Variants in GRID2 observed in about 807,000 individuals in gnomAD.
GRID2 encodes glutamate ionotropic receptor delta type subunit 2, also known as glutamate receptor ionotropic, delta-2.
GRID2 carries 33 observed loss-of-function variants against 114.8 expected under a neutral mutation model. That is an observed-to-expected ratio of 0.29 (90% CI 0.22 to 0.38). The LOEUF (loss-of-function observed/expected upper bound fraction) is 0.38. Among genes scored for constraint, GRID2 ranks in the 10% least tolerant of loss-of-function variants. The probability of loss-of-function intolerance (pLI) is 1.00; values close to 1 mark genes in which losing one functional copy is unlikely to be tolerated. For missense variants in GRID2, 1,184 were observed against 1,257.7 expected (o/e 0.94, Z 0.89); for synonymous variants, 505 against 449.9 (o/e 1.12, Z -1.55).
chr4:93,124,119 A>G (rs925859334), intron 4 of GRID2, among the ~76,000 whole-genome samples: 1 of 121,030 alleles, frequency 8.3e-6, no homozygotes, highest in Admixed American at 7.8e-5. Context: ...AAAAAAAAGA[A>G]AAAAAAAAAA....
chr4:92,692,380 A>G (rs1319387532), intron 2 of GRID2, among the ~76,000 whole-genome samples: 2 of 152,144 alleles, frequency 1.3e-5, no homozygotes, highest in African/African-American at 4.8e-5. Flanking sequence ...AGTCCATTTC[A>G]CAGAATAGCC....
intron 6 of GRID2, among the ~76,000 whole-genome samples, chr4:93,222,424 T>C (rs4610304): frequency 0.73 from 110,091 of 150,986 alleles, 41,615 homozygotes; most frequent in African/African-American, 0.93. Flanking sequence ...AAGGAGATAG[T>C]GAGGGATGCT....
intron 2 of GRID2, among the ~76,000 whole-genome samples, chr4:92,863,160 T>G (rs1180863584): frequency 6.6e-6 from 1 of 152,144 alleles, no homozygotes; most frequent in Non-Finnish European, 1.5e-5. Flanking sequence ...TCATTTATCT[T>G]TTGATTTAGG....
intron 2 of GRID2, among the ~76,000 whole-genome samples, chr4:93,068,881 G>T (rs539340585): frequency 5.3e-5 from 8 of 152,134 alleles, no homozygotes; most frequent in Admixed American, 5.3e-4. Context: ...ATTGGCTCAT[G>T]GTTCTGCAGG....
At chr4:92,900,554 G>C (rs937110032) in intron 2 of GRID2, among the ~76,000 whole-genome samples, 1 of 152,194 alleles carries the variant, frequency 6.6e-6, no homozygotes, top group Non-Finnish European at 1.5e-5. Context: ...TTCCAGGCCA[G>C]GCACGGCGGC....
At position 92,631,358 on chromosome 4, in the gene GRID2, G is replaced by A. The variant is rs80060738; in HGVS notation, c.244+41072G>A. Among the ~76,000 whole-genome samples the A allele has an allele frequency of 8.7e-3, 1,322 of 152,110 alleles. 16 individuals carry two copies. Among genetic ancestry groups the A allele is most frequent in the East Asian group, 0.066 (339 of 5,162 alleles). ...TTACTGAGCTCTAGGATTATCTATC[G>A]TTAGTCAGGACTTGAATGAAACCCT... On this transcript the variant is annotated intron_variant, in intron 2 of 15. Coordinates refer to ENST00000282020, the MANE Select transcript of GRID2 (RefSeq NM_001510.4).
intron 3 of GRID2, among the ~76,000 whole-genome samples, chr4:93,109,839 T>G (rs1732600029): frequency 6.6e-6 from 1 of 152,168 alleles, no homozygotes; most frequent in South Asian, 2.1e-4. Context: ...AATCTGATAC[T>G]AAGAAGAAAT....
downstream of GRID2, among the ~76,000 whole-genome samples, chr4:93,775,839 C>T (rs1269213470): frequency 2.0e-5 from 3 of 152,094 alleles, no homozygotes; most frequent in East Asian, 3.9e-4. Flanking sequence ...TTGTCATGTT[C>T]GTGATCATGT....
chr4:93,210,289 A>G lies in GRID2; in HGVS notation c.789+2832A>G, dbSNP rs184996646. 6.6e-5 allele frequency among the ~76,000 whole-genome samples: 10 copies of G among 152,152 alleles called. No homozygotes were observed. In the South Asian group the frequency reaches 8.3e-4, roughly 13 times the overall value. On this transcript the variant is annotated intron_variant, in intron 5 of 15. Coordinates refer to ENST00000282020, the MANE Select transcript of GRID2 (RefSeq NM_001510.4). ...GGTATAATAAAATGGTCCAGTTTCA[A>G]TCTTCTGCATATGGCTTGCCAGTTA...
intron 9 of GRID2, among the ~76,000 whole-genome samples, chr4:93,397,429 T>G (rs1765440737): frequency 1.4e-5 from 2 of 147,426 alleles, no homozygotes; most frequent in African/African-American, 4.9e-5. Context: ...AAAACTCCAG[T>G]GATGATTGCA....
chr4:93,201,732 C>T (rs186444661), intron 4 of GRID2, among the ~76,000 whole-genome samples: 3 of 152,250 alleles, frequency 2.0e-5, no homozygotes, highest in South Asian at 2.1e-4. Flanking sequence ...GAAACAAGCT[C>T]GGGCAGGGTT....
At position 93,183,202 on chromosome 4, in the gene GRID2, T is replaced by TA. The variant is rs200711292; in HGVS notation, c.736-24193dup. On this transcript the variant is annotated intron_variant, in intron 4 of 15. Transcript: ENST00000282020. The stretch of plus-strand genomic sequence containing the variant: ...TTTCACTGATTTCCAGTTTACTAAT[T>TA]AAAAAAAAATGAGGTGATCCATTTG... 5.4e-4 allele frequency among the ~76,000 whole-genome samples: 82 copies of TA among 151,158 alleles called. 1 individual carries two copies. The East Asian group carries it at 8.3e-3, about 15-fold the overall frequency.
chr4:92,712,238 C>G (rs564740924), intron 2 of GRID2, among the ~76,000 whole-genome samples: 2 of 152,036 alleles, frequency 1.3e-5, no homozygotes, highest in Admixed American at 1.3e-4. Flanking sequence ...TTTGTATTTA[C>G]AATCGGTTAT....
At chr4:93,083,703 A>C (rs941889171) in intron 2 of GRID2, among the ~76,000 whole-genome samples, 10 of 151,806 alleles carry the variant, frequency 6.6e-5, no homozygotes, top group Admixed American at 2.6e-4. Context: ...CTCAAAAAAA[A>C]AAAAAAAAAA....
At chr4:92,456,142 T>A (rs1312651519) in intron 1 of GRID2, among the ~76,000 whole-genome samples, 1 of 147,194 alleles carries the variant, frequency 6.8e-6, no homozygotes, top group Non-Finnish European at 1.5e-5. Context: ...TAAAATGAAC[T>A]TTTTTGGCAG....
At chr4:93,653,295 A>C (rs1043255647) in intron 14 of GRID2, among the ~76,000 whole-genome samples, 9 of 152,210 alleles carry the variant, frequency 5.9e-5, no homozygotes, top group Admixed American at 3.3e-4. Context: ...TCTTCTCATA[A>C]TAGCCATATT....
intron 2 of GRID2, among the ~76,000 whole-genome samples, chr4:93,052,694 A>G (rs1036771229): frequency 1.3e-5 from 2 of 151,964 alleles, no homozygotes. Context: ...GCAATATACA[A>G]TGACAATTCT....
chr4:92,629,853 T>A (rs1395812813), intron 2 of GRID2, among the ~76,000 whole-genome samples: 2 of 147,594 alleles, frequency 1.4e-5, no homozygotes, highest in Non-Finnish European at 3.0e-5. Flanking sequence ...AATAACACAA[T>A]GAAAGTAATT....
chr4:93,646,801 G>C (rs575208692), intron 14 of GRID2, among the ~76,000 whole-genome samples: 1 of 152,204 alleles, frequency 6.6e-6, no homozygotes, highest in East Asian at 1.9e-4. Flanking sequence ...ACTGGAAACT[G>C]TTTGGATGTT....
Sources: gnomAD v4.1 joint callset for allele counts (sites outside exome capture counted in the v4.1 genomes callset) on GRCh38, gnomAD v4.1.1 for gene constraint, MANE v1.5 for transcripts, NCBI Gene and HGNC (gene_info 2026-07-23, HGNC 2026-07-21) for gene names.